Variants in TEKT5 observed in about 807,000 individuals in gnomAD.
TEKT5 encodes tektin 5, also known as tektin-5.
Under a neutral mutation model 48.7 loss-of-function variants are expected in TEKT5, and 52 were observed. The ratio of observed to expected loss-of-function variants is 1.07; its 90% confidence interval spans 0.86 to 1.35. The LOEUF (loss-of-function observed/expected upper bound fraction) is 1.35, where lower values mean the gene tolerates loss of function less well. Ranked by LOEUF, TEKT5 falls within the 40% of genes most tolerant of loss-of-function variation. TEKT5 has a pLI of 0.00. For missense variants in TEKT5, 831 were observed against 641.6 expected (o/e 1.30, Z -3.19); for synonymous variants, 318 against 267.6 (o/e 1.19, Z -1.84).
chr16:10,650,745 C>T (rs1374477401), intron 5 of TEKT5, among the ~76,000 whole-genome samples: 1 of 151,946 alleles, frequency 6.6e-6, no homozygotes, highest in African/African-American at 2.4e-5. Flanking sequence ...ATCAGCCAGG[C>T]GTGGTGGTGT....
At chr16:10,636,068 G>A (rs1488926652) in intron 5 of TEKT5, 150 bp from the exon 6 acceptor site, 11 of 1,252,632 alleles carry the variant, frequency 8.8e-6, no homozygotes, top group African/African-American at 1.5e-5. Context: ...AGGGCAGGAA[G>A]CTCACCCTTC....
chr16:10,642,849 G>C (rs1169244256), intron 5 of TEKT5, among the ~76,000 whole-genome samples: 2 of 152,140 alleles, frequency 1.3e-5, no homozygotes, highest in African/African-American at 4.8e-5. Flanking sequence ...GGGAAAGGGT[G>C]GGGGATAGAG....
chr16:10,677,611 C>T (rs117891888), intron 4 of TEKT5, among the ~76,000 whole-genome samples: 3 of 145,824 alleles, frequency 2.1e-5, no homozygotes, highest in Non-Finnish European at 4.4e-5. Flanking sequence ...CCTGTCCCCC[C>T]CAACAAAAAA....
At chr16:10,650,570 T>A (rs533619776) in intron 5 of TEKT5, among the ~76,000 whole-genome samples, 27 of 151,776 alleles carry the variant, frequency 1.8e-4, no homozygotes, top group African/African-American at 6.5e-4. Flanking sequence ...GCCAGGGTCA[T>A]CTTCATTAGA....
At position 10,677,381 on chromosome 16, in the gene TEKT5, G is replaced by A. The variant is rs139813603; in HGVS notation, c.864-1200C>T. Among the ~76,000 whole-genome samples the A allele has an allele frequency of 1.8e-3, 258 of 147,332 alleles. 32 individuals are homozygous for A. The highest frequency in any genetic ancestry group is 6.3e-3 in the African/African-American group (235 of 37,566). ...TCCCAGCACTTTGGGAGCCCGAGGC[G>A]GGCGGATCACTTGAGGCCAGGAATT... is the stretch of plus-strand genomic sequence containing the variant. On this transcript the variant is annotated intron_variant, in intron 4 of 6. Transcript: ENST00000283025.
chr16:10,680,987 T>C (rs938892472), intron 4 of TEKT5, among the ~76,000 whole-genome samples: 1 of 146,980 alleles, frequency 6.8e-6, no homozygotes, highest in African/African-American at 2.5e-5. Context: ...TGTGCACATG[T>C]ATCCTAAAAC....
intron 6 of TEKT5, among the ~76,000 whole-genome samples, chr16:10,629,951 C>G (rs1897814155): frequency 6.6e-6 from 1 of 151,676 alleles, no homozygotes; most frequent in Non-Finnish European, 1.5e-5. Flanking sequence ...TTTCTTTTTT[C>G]TTTTTGAGAC....
intron 6 of TEKT5, among the ~76,000 whole-genome samples, chr16:10,633,734 T>G (rs879727996): frequency 6.6e-6 from 1 of 152,064 alleles, no homozygotes; most frequent in East Asian, 1.9e-4. Context: ...TTTTTAGAGA[T>G]AGTGTCTTGC....
At chr16:10,688,384 G>A (rs1283779919) in intron 3 of TEKT5, among the ~76,000 whole-genome samples, 1 of 152,238 alleles carries the variant, frequency 6.6e-6, no homozygotes, top group Non-Finnish European at 1.5e-5. Context: ...GGTGGGTTCT[G>A]GGGCACAGCA....
intron 4 of TEKT5, 114 bp from the exon 5 acceptor site, chr16:10,676,295 G>A: frequency 3.0e-6 from 3 of 1,013,616 alleles, no homozygotes; most frequent in Non-Finnish European, 4.4e-6. Context: ...CCTGTGCATT[G>A]TAGGGTGCTT....
chr16:10,680,487 G>A (rs1023723119), intron 4 of TEKT5, among the ~76,000 whole-genome samples: 1 of 149,014 alleles, frequency 6.7e-6, no homozygotes, highest in African/African-American at 2.5e-5. Context: ...GAAGAAGGCA[G>A]AACTAAGATA....
intron 3 of TEKT5, among the ~76,000 whole-genome samples, chr16:10,686,394 T>C (rs374497025): frequency 8.0e-5 from 12 of 150,030 alleles, no homozygotes; most frequent in Middle Eastern, 3.4e-3. Context: ...GAGGAGGAGG[T>C]TGCAGTGAGC....
At chr16:10,666,936 T>A (rs1022725824) in intron 5 of TEKT5, among the ~76,000 whole-genome samples, 2 of 151,684 alleles carry the variant, frequency 1.3e-5, no homozygotes, top group East Asian at 3.9e-4. Context: ...GGGATTCCGA[T>A]GAAATGAACT....
Position 10,689,970 on chromosome 16 carries a change from T to C in TEKT5, c.620A>G (p.His207Arg). 1.9e-6 allele frequency: 3 copies of C among 1,614,016 alleles called. No homozygotes were observed. The highest frequency in any genetic ancestry group is 1.1e-5 in the South Asian group (1 of 91,046). The part of the protein sequence containing the change: ...REKRIGIDLV[H>R]DNVEKNLIRE... ...GATAAGGTTTTTCTCCACGTTGTCA[T>C]GGACCAAATCAATCCCAATCCTCTT... The change falls in exon 2 of 7, where the codon CAT becomes CGT. Residue 207 changes from histidine (H) to arginine (R), a missense_variant. His to Arg is a conservative substitution (Grantham distance 29). Transcript: ENST00000283025.
intron 6 of TEKT5, among the ~76,000 whole-genome samples, chr16:10,632,809 A>G (rs1453959374): frequency 1.3e-5 from 2 of 151,708 alleles, no homozygotes; most frequent in African/African-American, 4.8e-5. Context: ...GAATCCTATC[A>G]TCTGCTCAAT....
At chr16:10,655,470 G>C (rs942259090) in intron 5 of TEKT5, among the ~76,000 whole-genome samples, 2 of 152,118 alleles carry the variant, frequency 1.3e-5, no homozygotes, top group African/African-American at 2.4e-5. Flanking sequence ...ATTATTGTGA[G>C]GGTTATGTAA....
At chr16:10,648,068 A>C (rs2719759) in intron 5 of TEKT5, among the ~76,000 whole-genome samples, 15,878 of 152,238 alleles carry the variant, frequency 0.1, 943 homozygotes, top group African/African-American at 0.17. Flanking sequence ...TCCTGTTAAA[A>C]ATATTTATTA....
intron 5 of TEKT5, among the ~76,000 whole-genome samples, chr16:10,660,980 G>C (rs1479142641): frequency 1.3e-5 from 2 of 152,134 alleles, no homozygotes; most frequent in East Asian, 3.9e-4. Flanking sequence ...GGATACAGAC[G>C]TGAGCCACCG....
chr16:10,684,512 G>C (rs1439243228), intron 3 of TEKT5, among the ~76,000 whole-genome samples: 4 of 151,932 alleles, frequency 2.6e-5, no homozygotes, highest in Non-Finnish European at 5.9e-5. Context: ...CAGGAAGCTC[G>C]GGTCATGTCG....
Sources: allele counts gnomAD v4.1 joint callset (sites outside exome capture counted in the v4.1 genomes callset), GRCh38; gene constraint gnomAD v4.1.1; transcripts MANE v1.5; gene names NCBI Gene and HGNC (gene_info 2026-07-23, HGNC 2026-07-21).